The following EPS15L1 variants were observed in gnomAD, a reference collection of about 807,000 sequenced individuals.
EPS15L1 encodes epidermal growth factor receptor substrate 15-like 1.
In EPS15L1, 43 loss-of-function variants were observed where a neutral mutation model predicts 117.1. That is an observed-to-expected ratio of 0.37 (90% confidence interval 0.29 to 0.47). The LOEUF (loss-of-function observed/expected upper bound fraction) is 0.47. EPS15L1 is among the 20% of genes least tolerant of loss of function. The probability of loss-of-function intolerance (pLI) is 0.99; values close to 1 mark genes in which losing one functional copy is unlikely to be tolerated. For synonymous variants in EPS15L1, 459 were observed against 470.5 expected (o/e 0.98, Z 0.32); for missense variants, 981 against 1,164.0 (o/e 0.84, Z 2.29).
chr19:16,403,847 C>T lies in EPS15L1; in HGVS notation c.1512G>A (p.Glu504=), dbSNP rs1458698154. ...TTTCCTCCTGCTGCAATCGGTTCAGCTCCGACTTGGCTCGGTTCAGATCGT... is the reference window on the plus strand; with the variant it reads ...TTTCCTCCTGCTGCAATCGGTTCAGTTCCGACTTGGCTCGGTTCAGATCGT... The part of the protein sequence containing the change: ...QEDDLNRAKS[E]LNRLQQEETQ... The change falls in exon 15 of 24, where the codon GAG becomes GAA. Residue 504 remains glutamate (E), a synonymous_variant. Transcript: ENST00000455140. 2.5e-6 allele frequency: 4 copies of T among 1,614,068 alleles called. No individual in the cohort carries two copies. In the African/African-American group the frequency reaches 4.0e-5, roughly 16 times the overall value.
chr19:16,423,106 G>A (rs754708689), intron 9 of EPS15L1, among the ~76,000 whole-genome samples: 8 of 152,174 alleles, frequency 5.3e-5, no homozygotes, highest in Non-Finnish European at 1.0e-4. Flanking sequence ...CGAGTCTCCT[G>A]TGATGTCCAA....
intron 21 of EPS15L1, among the ~76,000 whole-genome samples, chr19:16,382,084 C>T (rs967293919): frequency 3.9e-5 from 6 of 152,216 alleles, no homozygotes; most frequent in African/African-American, 1.2e-4. Flanking sequence ...AAATCAGAGC[C>T]GCCTAACCCT....
chr19:16,385,299 A>C, intron 20 of EPS15L1, 88 bp from the exon 21 acceptor site: 1 of 1,090,970 alleles, frequency 9.2e-7, no homozygotes, highest in Non-Finnish European at 1.4e-6. Flanking sequence ...ATGGCCCCTG[A>C]ACCAGGAGAC....
At chr19:16,409,613 C>A (rs1193323570) in intron 13 of EPS15L1, among the ~76,000 whole-genome samples, 2 of 152,184 alleles carry the variant, frequency 1.3e-5, no homozygotes, top group Non-Finnish European at 2.9e-5. Context: ...CTGACAAGGA[C>A]TTCTACCTAG....
At chr19:16,464,822 G>A (rs763874622) in intron 1 of EPS15L1, among the ~76,000 whole-genome samples, 5 of 152,076 alleles carry the variant, frequency 3.3e-5, no homozygotes, top group East Asian at 1.9e-4. Context: ...GGTGGCTCAC[G>A]CCTGTAATCC....
chr19:16,468,890 C>T (rs1447981277), intron 1 of EPS15L1, among the ~76,000 whole-genome samples: 1 of 152,102 alleles, frequency 6.6e-6, no homozygotes, highest in Non-Finnish European at 1.5e-5. Context: ...ATTGGTGCTG[C>T]GCTCCTGTAG....
chr19:16,426,064 G>A (rs898890151), intron 8 of EPS15L1, among the ~76,000 whole-genome samples: 2 of 152,200 alleles, frequency 1.3e-5, no homozygotes, highest in African/African-American at 2.4e-5. Flanking sequence ...ATCAAGGCGT[G>A]CCCCACATGA....
intron 1 of EPS15L1, among the ~76,000 whole-genome samples, chr19:16,450,344 G>A (rs1002278894): frequency 6.6e-6 from 1 of 151,348 alleles, no homozygotes; most frequent in African/African-American, 2.5e-5. Context: ...AAACTCTCAG[G>A]GGTGGTTCTA....
chr19:16,395,234 C>T, intron 17 of EPS15L1, 110 bp downstream of exon 17: 1 of 1,111,700 alleles, frequency 9.0e-7, no homozygotes, highest in South Asian at 1.7e-5. Flanking sequence ...TTCCTTTCCC[C>T]CTCCATTTCA....
chr19:16,367,319 G>A (rs1479955775), intron 22 of EPS15L1, among the ~76,000 whole-genome samples: 2 of 151,516 alleles, frequency 1.3e-5, no homozygotes, highest in African/African-American at 2.4e-5. Flanking sequence ...ACTGCCTACC[G>A]CAGGGAGACT....
At chr19:16,418,174 C>T in intron 10 of EPS15L1, 70 bp from the exon 11 acceptor site, 1 of 1,519,908 alleles carries the variant, frequency 6.6e-7, no homozygotes, top group Non-Finnish European at 8.9e-7. Flanking sequence ...AGTCACCGAT[C>T]CCTTGCTTTT....
chr19:16,453,089 C>T (rs1488413602), intron 1 of EPS15L1, among the ~76,000 whole-genome samples: 6 of 151,902 alleles, frequency 3.9e-5, no homozygotes, highest in Non-Finnish European at 2.9e-5. Flanking sequence ...TGTGAGCCAC[C>T]GCGCCCGGGC....
At chr19:16,456,862 G>A (rs1599681547) in intron 1 of EPS15L1, among the ~76,000 whole-genome samples, 2 of 152,156 alleles carry the variant, frequency 1.3e-5, no homozygotes, top group Admixed American at 6.5e-5. Flanking sequence ...ATTCAGCACG[G>A]CCCCAGTCAG....
At chr19:16,431,429 G>C (rs966015885) in intron 7 of EPS15L1, among the ~76,000 whole-genome samples, 2 of 151,148 alleles carry the variant, frequency 1.3e-5, no homozygotes, top group Non-Finnish European at 3.0e-5. Flanking sequence ...TCAGCTTCCC[G>C]AGTCGCTGGG....
At chr19:16,421,140 G>A (rs549908364) in intron 10 of EPS15L1, among the ~76,000 whole-genome samples, 179 bp downstream of exon 10, 15 of 152,344 alleles carry the variant, frequency 9.8e-5, no homozygotes, top group African/African-American at 1.2e-4. Context: ...CGCGGGCTTC[G>A]AGCCTTGGCA....
chr19:16,451,760 A>T (rs2093145915), intron 1 of EPS15L1, among the ~76,000 whole-genome samples: 2 of 148,064 alleles, frequency 1.4e-5, no homozygotes, highest in Non-Finnish European at 3.0e-5. Context: ...CGATCTCCTG[A>T]CCTCGTGATC....
rs1195520710 is a variant in EPS15L1 at position 16,388,255 on chromosome 19, G to A, written c.2104-2024C>T. The stretch of plus-strand genomic sequence containing the variant: ...GGGTTTCACCATGTTGGCCAGGCTG[G>A]TCTCGAACTCCTGGCCTCAAGTGAT... On this transcript the variant is annotated intron_variant, in intron 19 of 23. Transcript: ENST00000455140. Among the ~76,000 whole-genome samples, 4 of 152,176 alleles carry A rather than the reference G, an allele frequency of 2.6e-5. No individual in the cohort carries two copies. The East Asian group carries it at 5.8e-4, about 22-fold the overall frequency.
chr19:16,428,664 C>A (rs371073078), intron 8 of EPS15L1, 38 bp downstream of exon 8: 31 of 1,576,820 alleles, frequency 2.0e-5, no homozygotes, highest in Non-Finnish European at 2.7e-5. Context: ...TGCACATTTC[C>A]TTCCTGGGCT....
At chr19:16,408,676 C>T (rs76102934) in intron 13 of EPS15L1, among the ~76,000 whole-genome samples, 3,702 of 151,146 alleles carry the variant, frequency 0.024, 121 homozygotes, top group Admixed American at 0.087. Context: ...AAAAAAATCA[C>T]ATGGAAACAC....
Sources: gnomAD v4.1 joint callset for allele counts (sites outside exome capture counted in the v4.1 genomes callset) on GRCh38, gnomAD v4.1.1 for gene constraint, MANE v1.5 for transcripts, NCBI Gene and HGNC (gene_info 2026-07-23, HGNC 2026-07-21) for gene names.